The following MALAT1 variants were observed in gnomAD, a reference collection of about 807,000 sequenced individuals.
The protein encoded by MALAT1 is metastasis associated lung adenocarcinoma transcript 1.
chr11:65,503,380 G>GGGATAGTACA (rs758524824), exon 3 of MALAT1: 3 of 518,062 alleles, frequency 5.8e-6, no homozygotes, highest in Non-Finnish European at 1.2e-5. Flanking sequence ...CTTCAGTGAT[G>GGGATAGTACA]GGATAGTACA....
chr11:65,505,834 C>A (rs760389502), intron 3 of MALAT1: 1 of 489,798 alleles, frequency 2.0e-6, no homozygotes, highest in Non-Finnish European at 4.1e-6. Flanking sequence ...ATAACATGTT[C>A]AAGAACTGTA....
At chr11:65,504,497 CAGCTGAGTGATAAA>C (rs769046895) in intron 3 of MALAT1, 1 of 518,844 alleles carries the variant, frequency 1.9e-6, no homozygotes, top group Non-Finnish European at 3.8e-6. Flanking sequence ...GGAAAAAATC[CAGCTGAGTGATAAA>C]GGCTGAGTGT....
At chr11:65,504,999 T>C in intron 3 of MALAT1, 1 of 518,848 alleles carries the variant, frequency 1.9e-6, no homozygotes. Flanking sequence ...AATTCACCAG[T>C]GGACAAAATG....
At chr11:65,499,908 A>G (rs1854501593) in exon 3 of MALAT1, 2 of 428,720 alleles carry the variant, frequency 4.7e-6, no homozygotes, top group Middle Eastern at 3.3e-4. Context: ...AGAAAATGAA[A>G]AACAAGCTAA....
At chr11:65,498,278 A>C (rs1313360512) in intron 1 of MALAT1, 1 of 518,710 alleles carries the variant, frequency 1.9e-6, no homozygotes, top group Non-Finnish European at 3.8e-6. Flanking sequence ...CCTTGTGAGC[A>C]CTTTCAGGAG....
chr11:65,503,035 G>T (rs767899509), exon 3 of MALAT1: 8 of 506,512 alleles, frequency 1.6e-5, no homozygotes, highest in Non-Finnish European at 2.7e-5. Flanking sequence ...TGGAATAAAA[G>T]AAGCCGAAAT....
intron 1 of MALAT1, chr11:65,498,647 C>T (rs1471926412): frequency 1.9e-6 from 1 of 518,406 alleles, no homozygotes; most frequent in South Asian, 1.4e-5. Flanking sequence ...GAAAGTAAAG[C>T]CCTGAACTAT....
chr11:65,505,852 G>A, intron 3 of MALAT1: 1 of 469,338 alleles, frequency 2.1e-6, no homozygotes, highest in Non-Finnish European at 4.2e-6. Flanking sequence ...GTAATGCTGG[G>A]TGGGAACATG....
chr11:65,499,506 A>G (rs1221466371), exon 3 of MALAT1: 1 of 464,484 alleles, frequency 2.2e-6, no homozygotes, highest in Admixed American at 2.4e-5. Flanking sequence ...AAGAGATTAA[A>G]CCGAAGGTGA....
intron 2 of MALAT1, chr11:65,498,902 A>G (rs372003412): frequency 3.5e-5 from 18 of 518,472 alleles, no homozygotes; most frequent in Non-Finnish European, 5.8e-5. Context: ...CTGTTAAGAA[A>G]AATCTAGAAA....
At chr11:65,503,476 G>GT (rs745680298) in exon 3 of MALAT1, 1 of 517,672 alleles carries the variant, frequency 1.9e-6, no homozygotes, top group East Asian at 5.4e-5. Flanking sequence ...AAGGAAATTT[G>GT]TTTAGCATTG....
chr11:65,498,171 C>G, intron 1 of MALAT1: 2 of 518,958 alleles, frequency 3.9e-6, no homozygotes, highest in Non-Finnish European at 7.7e-6. Flanking sequence ...GTGTCCCTGA[C>G]TGGCTGCCCA....
chr11:65,500,762 T>G (rs1565051901), exon 3 of MALAT1: 1 of 518,910 alleles, frequency 1.9e-6, no homozygotes, highest in Non-Finnish European at 3.8e-6. Flanking sequence ...AGCGAGTGGT[T>G]GGTAAAAATC....
At chr11:65,505,219 G>A in intron 3 of MALAT1, 1 of 518,620 alleles carries the variant, frequency 1.9e-6, no homozygotes, top group Non-Finnish European at 3.9e-6. Flanking sequence ...AAGGCTTAAA[G>A]TAGGACAACC....
exon 3 of MALAT1, chr11:65,503,098 A>C (rs1398883282): frequency 2.0e-6 from 1 of 510,112 alleles, no homozygotes; most frequent in African/African-American, 1.9e-5. Context: ...GCTGTGTGCC[A>C]ATGTTTCGTT....
chr11:65,500,778 G>A (rs1407188634), exon 3 of MALAT1: 1 of 518,950 alleles, frequency 1.9e-6, no homozygotes. Flanking sequence ...AAATCCGTGA[G>A]GTCGGCAATA....
intron 2 of MALAT1, chr11:65,498,765 GTGTT>G: frequency 3.9e-6 from 2 of 518,922 alleles, no homozygotes; most frequent in Non-Finnish European, 7.7e-6. Flanking sequence ...GTTTTGTGAG[GTGTT>G]TGATGACCCG....
chr11:65,498,136 C>T (rs1182134190), intron 1 of MALAT1: 1 of 518,934 alleles, frequency 1.9e-6, no homozygotes, highest in South Asian at 1.4e-5. Flanking sequence ...AAAGCAGACC[C>T]AGAGCAGTGT....
exon 3 of MALAT1, chr11:65,501,083 G>T (rs1383676637): frequency 5.9e-6 from 3 of 512,642 alleles, no homozygotes; most frequent in Non-Finnish European, 1.2e-5. Context: ...CAGCAAATCT[G>T]TAAGCAGTTT....
Sources: allele counts gnomAD v4.1 joint callset, GRCh38; gene constraint gnomAD v4.1.1; transcripts MANE v1.5; gene names NCBI Gene and HGNC (gene_info 2026-07-23, HGNC 2026-07-21).